Variants in NXN observed in about 807,000 individuals in gnomAD.
NXN encodes nucleoredoxin.
NXN carries 16 observed loss-of-function variants against 48.6 expected under a neutral mutation model. The observed-to-expected ratio is 0.33, with a 90% CI of 0.22 to 0.50. NXN has a LOEUF of 0.50. Ranked by LOEUF, NXN falls within the 20% of genes least tolerant of loss-of-function variation. The pLI, the probability that NXN is intolerant of heterozygous loss-of-function variation, is 0.98. For missense variants in NXN, 492 were observed against 605.5 expected, an observed-to-expected ratio of 0.81 and a Z score of 1.97; for synonymous variants, 281 against 269.6, an observed-to-expected ratio of 1.04 and a Z score of -0.41.
intron 1 of NXN, among the ~76,000 whole-genome samples, chr17:914,789 G>A (rs1245451153): frequency 2.6e-5 from 4 of 151,940 alleles, no homozygotes; most frequent in Non-Finnish European, 2.9e-5. Flanking sequence ...TAGAGGAGGC[G>A]GAGCTGGATG....
chr17:873,222 G>A (rs1214728584), intron 1 of NXN, among the ~76,000 whole-genome samples: 1 of 151,954 alleles, frequency 6.6e-6, no homozygotes, highest in Non-Finnish European at 1.5e-5. Context: ...TTTCAGCCAG[G>A]TGGGTGGCTC....
At chr17:828,015 C>T (rs1208472532) in intron 1 of NXN, among the ~76,000 whole-genome samples, 1 of 152,244 alleles carries the variant, frequency 6.6e-6, no homozygotes, top group East Asian at 1.9e-4. Flanking sequence ...TTTCAATCTG[C>T]ATGTTTTTCC....
chr17:869,775 G>A (rs1430323661), intron 1 of NXN, among the ~76,000 whole-genome samples: 3 of 152,208 alleles, frequency 2.0e-5, no homozygotes, highest in Non-Finnish European at 2.9e-5. Flanking sequence ...CTGCTCGTTC[G>A]TGTTCCACGG....
chr17:812,453 A>AC (rs1237034281), intron 5 of NXN, among the ~76,000 whole-genome samples: 2 of 152,146 alleles, frequency 1.3e-5, no homozygotes, highest in South Asian at 2.1e-4. Context: ...TGGGACTGAG[A>AC]CCCCAGGGCA....
At chr17:867,454 T>C (rs577802703) in intron 1 of NXN, among the ~76,000 whole-genome samples, 1 of 152,350 alleles carries the variant, frequency 6.6e-6, no homozygotes, top group East Asian at 1.9e-4. Flanking sequence ...GAGTAGGGCT[T>C]GCCCAGCTAC....
At chr17:809,898 C>CGA (rs1911821968) in intron 5 of NXN, among the ~76,000 whole-genome samples, 1 of 117,334 alleles carries the variant, frequency 8.5e-6, no homozygotes, top group Non-Finnish European at 1.9e-5. Flanking sequence ...GTTAAGAGTC[C>CGA]CTGTGAGTGC....
intron 1 of NXN, among the ~76,000 whole-genome samples, chr17:950,732 G>A (rs1029046388): frequency 2.0e-5 from 3 of 152,058 alleles, no homozygotes; most frequent in African/African-American, 7.2e-5. Flanking sequence ...GGATGCCACC[G>A]AGTGGACGGA....
chr17:953,890 C>T (rs903972217), intron 1 of NXN, among the ~76,000 whole-genome samples: 10 of 152,046 alleles, frequency 6.6e-5, no homozygotes, highest in African/African-American at 1.9e-4. Context: ...GGGCCATGAC[C>T]GTGCCACTGC....
At chr17:841,748 G>A (rs1237537634) in intron 1 of NXN, among the ~76,000 whole-genome samples, 1 of 151,404 alleles carries the variant, frequency 6.6e-6, no homozygotes, top group Non-Finnish European at 1.5e-5. Flanking sequence ...GCCCAGGAGT[G>A]TCCACTTCCA....
intron 1 of NXN, among the ~76,000 whole-genome samples, chr17:852,473 G>C (rs1463839647): frequency 6.6e-6 from 1 of 152,140 alleles, no homozygotes; most frequent in Admixed American, 6.6e-5. Flanking sequence ...GGATTATGTA[G>C]ACAGACTTGC....
chr17:948,726 C>T (rs1037799417), intron 1 of NXN, among the ~76,000 whole-genome samples: 3 of 151,892 alleles, frequency 2.0e-5, no homozygotes, highest in Non-Finnish European at 2.9e-5. Context: ...CCCGCCCCAG[C>T]GCTCGGAGGC....
intron 1 of NXN, among the ~76,000 whole-genome samples, chr17:868,565 T>C (rs375339889): frequency 1.1e-4 from 17 of 152,122 alleles, no homozygotes; most frequent in South Asian, 4.1e-4. Context: ...GATCTCTGCT[T>C]ACTGCAACCT....
chr17:861,055 A>G (rs918942708), intron 1 of NXN, among the ~76,000 whole-genome samples: 1 of 152,232 alleles, frequency 6.6e-6, no homozygotes, highest in Admixed American at 6.5e-5. Context: ...CTGGGGAAGT[A>G]AGGAAGGGCC....
intron 1 of NXN, among the ~76,000 whole-genome samples, chr17:955,162 C>CTT (rs749641262): frequency 2.3e-4 from 29 of 125,186 alleles, no homozygotes; most frequent in African/African-American, 3.2e-4. Flanking sequence ...TCATCTCTTT[C>CTT]TTTTTTTTTT....
chr17:839,028 C>T (rs1303142398), intron 1 of NXN, among the ~76,000 whole-genome samples: 4 of 152,198 alleles, frequency 2.6e-5, no homozygotes, highest in African/African-American at 9.7e-5. Flanking sequence ...ACACACCTCT[C>T]GGAGTGTCAC....
At position 809,481 on chromosome 17, in the gene NXN, G is replaced by T. The variant is rs546067369; in HGVS notation, c.821-4234C>A. On this transcript the variant is annotated intron_variant, in intron 5 of 7. Coordinates refer to ENST00000336868, the MANE Select transcript of NXN (RefSeq NM_022463.5). ...CGAGACACGGAGTTTTGAAGCAGGT[G>T]GGGGCTGGGGCAAGGAAGCTGAAGG... 3.3e-4 allele frequency among the ~76,000 whole-genome samples: 51 copies of T among 152,302 alleles called. 2 individuals carry two copies. The South Asian group carries it at 0.01, about 30-fold the overall frequency.
chr17:934,944 T>A (rs2068893133), intron 1 of NXN, among the ~76,000 whole-genome samples: 1 of 152,096 alleles, frequency 6.6e-6, no homozygotes, highest in African/African-American at 2.4e-5. Context: ...CCTCACTTGC[T>A]GCCACTCATT....
At chr17:822,524 C>T in intron 3 of NXN, 67 bp from the exon 4 acceptor site, 1 of 1,217,304 alleles carries the variant, frequency 8.2e-7, no homozygotes, top group Admixed American at 1.8e-5. Flanking sequence ...ACTCACCATC[C>T]AAGGCCGGGT....
At chr17:921,444 C>T (rs2068749503) in intron 1 of NXN, among the ~76,000 whole-genome samples, 1 of 152,108 alleles carries the variant, frequency 6.6e-6, no homozygotes, top group South Asian at 2.1e-4. Flanking sequence ...ATCTTTTCCT[C>T]GAAACGCTTC....
Sources: allele counts gnomAD v4.1 joint callset (sites outside exome capture counted in the v4.1 genomes callset), GRCh38; gene constraint gnomAD v4.1.1; transcripts MANE v1.5; gene names NCBI Gene and HGNC (gene_info 2026-07-23, HGNC 2026-07-21).